The following PHLPP2 variants were observed in gnomAD, a reference collection of about 807,000 sequenced individuals.
PHLPP2 encodes the protein PH domain leucine-rich repeat-containing protein phosphatase 2.
Under a neutral mutation model 124.9 loss-of-function variants are expected in PHLPP2, and 66 were observed. The ratio of observed to expected loss-of-function variants is 0.53; its 90% CI spans 0.43 to 0.65. PHLPP2 has a LOEUF of 0.65. Ranked by LOEUF, PHLPP2 falls within the 30% of genes least tolerant of loss-of-function variation. PHLPP2 has a pLI of 0.00. For synonymous variants in PHLPP2, 681 were observed against 624.7 expected (o/e 1.09, Z -1.34); for missense variants, 1,685 against 1,600.4 (o/e 1.05, Z -0.90).
chr16:71,680,441 A>G, intron 6 of PHLPP2, among the ~76,000 whole-genome samples: 1 of 152,218 alleles, frequency 6.6e-6, no homozygotes, highest in East Asian at 1.9e-4. Flanking sequence ...TATTTTGTTC[A>G]TGGAAGTAAA....
intron 4 of PHLPP2, among the ~76,000 whole-genome samples, chr16:71,686,998 C>CA (rs1357907977): frequency 6.6e-6 from 1 of 152,168 alleles, no homozygotes; most frequent in Non-Finnish European, 1.5e-5. Flanking sequence ...TTTAATTTTA[C>CA]AAAAAATGAA....
intron 4 of PHLPP2, among the ~76,000 whole-genome samples, chr16:71,689,541 C>T (rs1161771753): frequency 3.3e-5 from 5 of 151,844 alleles, no homozygotes; most frequent in Non-Finnish European, 5.9e-5. Context: ...TACAGGCACC[C>T]ACCACCATGC....
chr16:71,721,982 G>C (rs2045401216), intron 1 of PHLPP2, among the ~76,000 whole-genome samples: 1 of 152,144 alleles, frequency 6.6e-6, no homozygotes, highest in Non-Finnish European at 1.5e-5. Flanking sequence ...TCATGATTTG[G>C]TATTAGGTAT....
At chr16:71,718,305 C>T (rs1366679718) in intron 1 of PHLPP2, among the ~76,000 whole-genome samples, 5 of 152,122 alleles carry the variant, frequency 3.3e-5, no homozygotes, top group Admixed American at 6.5e-5. Context: ...TGCGGTCGGG[C>T]GCAGTGGCTC....
intron 3 of PHLPP2, among the ~76,000 whole-genome samples, chr16:71,701,392 T>TAA (rs2045232485): frequency 6.6e-6 from 1 of 152,104 alleles, no homozygotes. Flanking sequence ...TTTTCAAAGA[T>TAA]TATTAACTTT....
chr16:71,695,307 G>A (rs948055753), intron 3 of PHLPP2, among the ~76,000 whole-genome samples: 15 of 152,102 alleles, frequency 9.9e-5, no homozygotes, highest in African/African-American at 3.6e-4. Context: ...TTACTAAAAT[G>A]GCTGTTTTAA....
At chr16:71,659,579 T>C (rs1447091683) in intron 13 of PHLPP2, among the ~76,000 whole-genome samples, 1 of 152,146 alleles carries the variant, frequency 6.6e-6, no homozygotes, top group Non-Finnish European at 1.5e-5. Context: ...CAGTTTTAAA[T>C]TTCTATACTT....
chr16:71,682,007 G>C (rs1342982396), intron 5 of PHLPP2, 102 bp from the exon 6 acceptor site: 2 of 710,424 alleles, frequency 2.8e-6, no homozygotes, highest in Non-Finnish European at 3.8e-6. Context: ...TAATTAAAAA[G>C]ATAGGAAAAA....
At chr16:71,721,333 T>G (rs567486494) in intron 1 of PHLPP2, among the ~76,000 whole-genome samples, 53 of 145,184 alleles carry the variant, frequency 3.7e-4, no homozygotes, top group African/African-American at 1.3e-3. Flanking sequence ...AATAACGTTT[T>G]GGGCTGGGTG....
At chr16:71,673,789 C>T (rs1799182678) in intron 9 of PHLPP2, among the ~76,000 whole-genome samples, 1 of 152,022 alleles carries the variant, frequency 6.6e-6, no homozygotes, top group South Asian at 2.1e-4. Context: ...TAGGGATGGG[C>T]CTGATAACAA....
At position 71,724,428 on chromosome 16, in the gene PHLPP2, TG is replaced by T. The variant is rs2045420238; in HGVS notation, c.-107del. ...AAAACGTCCGCTCACCTCCCAGCCA[TG>T]TTTTAATTCCCTTGCCTCCTCCTGG... On this transcript the variant is annotated 5_prime_UTR_variant, in exon 1 of 19. Transcript: ENST00000568954. 6.6e-6 allele frequency: 1 copy of T among 152,310 alleles called. No individual in the cohort carries two copies. The highest frequency in any genetic ancestry group is 2.4e-5 in the African/African-American group (1 of 41,472). The allele number at this position is 152,310 out of a possible 1,614,324, so 9.4% of individuals were successfully genotyped here.
At chr16:71,707,006 T>A (rs1484333982) in intron 2 of PHLPP2, among the ~76,000 whole-genome samples, 2 of 127,862 alleles carry the variant, frequency 1.6e-5, no homozygotes, top group East Asian at 4.9e-4. Context: ...CAGGCTGGAG[T>A]GCAGTGGCGC....
chr16:71,655,227 C>A lies in PHLPP2; in HGVS notation c.2585+13G>T. The A allele has an allele frequency of 8.8e-6, 14 of 1,585,768 alleles. No individual in the cohort carries two copies. Among genetic ancestry groups the A allele is most frequent in the Admixed American group, 1.7e-5 (1 of 59,400 alleles). ...TAGAACTGAGTTAGGGATTTTTCAA[C>A]CCACCTGCTTACCTGTGAGATACCA... is the stretch of plus-strand genomic sequence containing the variant. On this transcript the variant is annotated intron_variant, in intron 17 of 18. Coordinates refer to ENST00000568954, the MANE Select transcript of PHLPP2 (RefSeq NM_015020.3).
At chr16:71,676,673 TAATCATA>T in intron 8 of PHLPP2, 24 bp from the exon 9 acceptor site, 1 of 1,496,850 alleles carries the variant, frequency 6.7e-7, no homozygotes, top group Non-Finnish European at 9.3e-7. Flanking sequence ...AACAAGAAAA[TAATCATA>T]AATAAGAGTC....
chr16:71,655,870 T>C (rs943731345), intron 16 of PHLPP2, among the ~76,000 whole-genome samples: 1 of 152,106 alleles, frequency 6.6e-6, no homozygotes, highest in African/African-American at 2.4e-5. Flanking sequence ...GTAAGAAAAG[T>C]CCCTAGACAT....
chr16:71,685,102 C>T (rs1046110261), intron 4 of PHLPP2, among the ~76,000 whole-genome samples: 11 of 152,022 alleles, frequency 7.2e-5, no homozygotes, highest in Admixed American at 2.6e-4. Context: ...CCGAGGCGGG[C>T]GGATCACGAG....
At chr16:71,653,319 T>G (rs985891965) in intron 17 of PHLPP2, among the ~76,000 whole-genome samples, 3 of 152,024 alleles carry the variant, frequency 2.0e-5, no homozygotes, top group African/African-American at 7.2e-5. Context: ...TCTCAAACTT[T>G]AACACATCAG....
chr16:71,723,242 G>C lies in PHLPP2; in HGVS notation c.-7+1087C>G, dbSNP rs563620779. ...CCTCGGGTAGCGAGCCCCGAGGGCA[G>C]AGGAGCCGGCTCCACCCGGCCTGGC... On this transcript the variant is annotated intron_variant, in intron 1 of 18. Transcript: ENST00000568954. 31 of 152,458 alleles carry C rather than the reference G, an allele frequency of 2.0e-4. No homozygotes were observed. The East Asian group carries it at 5.6e-3, about 28-fold the overall frequency. 9.4% of individuals were successfully genotyped at this position (152,458 alleles called of 1,614,324 possible). A position where few individuals can be genotyped will look rare whatever the true frequency, so the allele number is the denominator to read the frequency against.
chr16:71,674,346 G>T (rs2044923990), intron 9 of PHLPP2, among the ~76,000 whole-genome samples: 1 of 150,730 alleles, frequency 6.6e-6, no homozygotes, highest in Admixed American at 6.6e-5. Flanking sequence ...CCAAAGTGTT[G>T]GGATTACGGG....
Sources: allele counts gnomAD v4.1 joint callset (sites outside exome capture counted in the v4.1 genomes callset), GRCh38; gene constraint gnomAD v4.1.1; transcripts MANE v1.5; gene names NCBI Gene and HGNC (gene_info 2026-07-23, HGNC 2026-07-21).